Variants in PCDHB12 observed in about 807,000 individuals in gnomAD.
PCDHB12 encodes protocadherin beta-12.
For synonymous variants in PCDHB12, 560 were observed against 445.2 expected, an observed-to-expected ratio of 1.26 and a Z score of -3.24; for missense variants, 1,192 against 998.2, an observed-to-expected ratio of 1.19 and a Z score of -2.62.
rs1554286834 is a variant in PCDHB12 at position 141,210,182 on chromosome 5, C to T, written c.1275C>T (p.Asp425=). The T allele has an allele frequency of 6.2e-7, 1 of 1,614,070 alleles. No homozygotes were observed. The highest frequency in any genetic ancestry group is 2.2e-5 in the East Asian group (1 of 44,886). The change falls in exon 1 of 1, where the codon GAC becomes GAT. Residue 425 remains aspartate, a synonymous_variant. Coordinates refer to ENST00000239450, the MANE Select transcript of PCDHB12 (RefSeq NM_018932.4). The stretch of plus-strand genomic sequence containing the variant: ...ACAACATCACCATCACCGTCACCGA[C>T]TTGGGGACCCCCAGGCTAAAAACCG... ...AEYNITITVT[D]LGTPRLKTEH...
rs782343667 is a variant in PCDHB12, at chr5:141,210,146, C to T, written c.1239C>T (p.Ser413=). 1.2e-6 allele frequency: 2 copies of T among 1,614,092 alleles called. No homozygotes were observed. Among genetic ancestry groups the T allele is most frequent in the Non-Finnish European group, 1.7e-6 (2 of 1,180,052 alleles). Reference sequence around the variant, plus strand: ...CAGAGAGACCGCTGGACAGAGAGAGCAGAGCCGAGTACAACATCACCATCA... The same window carrying T: ...CAGAGAGACCGCTGGACAGAGAGAGTAGAGCCGAGTACAACATCACCATCA... ...LETERPLDRE[S]RAEYNITITV... The change falls in exon 1 of 1, where the codon AGC becomes AGT. Residue 413 remains serine, a synonymous_variant. Coordinates refer to ENST00000239450, the MANE Select transcript of PCDHB12 (RefSeq NM_018932.4).
Position 141,211,411 on chromosome 5 carries a change from G to T in PCDHB12, c.*116G>T. 9.3e-7 allele frequency: 1 copy of T among 1,074,532 alleles called. No individual in the cohort carries two copies. The highest frequency in any genetic ancestry group is 1.4e-6 in the Non-Finnish European group (1 of 725,932). 66.6% of individuals were successfully genotyped at this position (1,074,532 alleles called of 1,614,324 possible). ...TTCAAATACATACTCTTCAAGTCAA[G>T]AAATAAATTTCTTTACATAGAAAAG... On this transcript the variant is annotated 3_prime_UTR_variant, in exon 1 of 1. Transcript: ENST00000239450.
rs782452005 is a variant in PCDHB12 at position 141,210,776 on chromosome 5, G to A, written c.1869G>A (p.Glu623=). Residue 623 remains glutamate, a synonymous_variant, in exon 1 of 1, where the codon GAG becomes GAA. Transcript: ENST00000239450. ...TCGGCGTGTGGGCGCACAATGGCGA[G>A]GTGCGCACCGCCAGGCTGCTGAGCG... The part of the protein sequence containing the change: ...GLFGVWAHNG[E]VRTARLLSER... 6.9e-6 allele frequency: 11 copies of A among 1,600,828 alleles called. No individual in the cohort carries two copies. The highest frequency in any genetic ancestry group is 1.1e-5 in the South Asian group (1 of 90,862).
At position 141,210,504 on chromosome 5, in the gene PCDHB12, G is replaced by T. The variant is rs782043522; in HGVS notation, c.1597G>T (p.Ala533Ser). Residue 533 changes from alanine (A) to serine (S), a missense_variant, in exon 1 of 1, where the codon GCC (alanine) becomes TCC (serine). Physicochemically the swap from Ala to Ser is moderately conservative, Grantham distance 99. Transcript: ENST00000239450. Reference protein sequence around the residue: ...ALQGFQFRVGATDHGSPALSS... With the variant: ...ALQGFQFRVGSTDHGSPALSS... ...GCAGGGGTTCCAGTTCCGCGTGGGC[G>T]CCACAGACCACGGCTCCCCGGCTTT... 1 of 1,612,394 alleles carries T rather than the reference G, an allele frequency of 6.2e-7. No individual in the cohort carries two copies. Among genetic ancestry groups the T allele is most frequent in the Non-Finnish European group, 8.5e-7 (1 of 1,179,836 alleles).
In PCDHB12 at chr5:141,211,248, A is replaced by G. The variant is rs782382690; in HGVS notation, c.2341A>G (p.Ser781Gly). The change falls in exon 1 of 1, where the codon AGT (serine) becomes GGT (glycine). Residue 781 changes from serine to glycine, a missense_variant. Coordinates refer to ENST00000239450, the MANE Select transcript of PCDHB12 (RefSeq NM_018932.4). ...CAACTTCCTACCCCAGAGCACAGGT[A>G]GTGAAGTCGAAGAAAATCCCCCATT... ...IPNFLPQSTGSEVEENPPFQN... is the reference protein window; with the variant it reads ...IPNFLPQSTGGEVEENPPFQN... 5 of 1,605,788 alleles carry G rather than the reference A, an allele frequency of 3.1e-6. No homozygotes were observed. The highest frequency in any genetic ancestry group is 3.5e-5 in the Admixed American group (2 of 57,752).
Position 141,209,869 on chromosome 5 carries a change from C to T in PCDHB12, c.962C>T (p.Ala321Val). Reference sequence around the variant, plus strand: ...GAGTCATACTCAATAATCATTCAAGCCACAGATGGGGGAGGACTTTTTGGA... The same window carrying T: ...GAGTCATACTCAATAATCATTCAAGTCACAGATGGGGGAGGACTTTTTGGA... The part of the protein sequence containing the change: ...AIESYSIIIQ[A>V]TDGGGLFGKS... The change falls in exon 1 of 1, where the codon GCC (alanine) becomes GTC (valine). Residue 321 changes from alanine to valine, a missense_variant. Ala to Val is a moderately conservative substitution (Grantham distance 64). Coordinates refer to ENST00000239450, the MANE Select transcript of PCDHB12 (RefSeq NM_018932.4). 2.5e-6 allele frequency: 4 copies of T among 1,614,160 alleles called. No individual in the cohort carries two copies. Among genetic ancestry groups the T allele is most frequent in the Non-Finnish European group, 3.4e-6 (4 of 1,180,030 alleles).
chr5:141,210,188 G>T lies in PCDHB12; in HGVS notation c.1281G>T (p.Gly427=). Residue 427 remains glycine, a synonymous_variant, in exon 1 of 1, where the codon GGG becomes GGT. Coordinates refer to ENST00000239450, the MANE Select transcript of PCDHB12 (RefSeq NM_018932.4). ...TCACCATCACCGTCACCGACTTGGGGACCCCCAGGCTAAAAACCGAGCACA... is the reference window on the plus strand; with the variant it reads ...TCACCATCACCGTCACCGACTTGGGTACCCCCAGGCTAAAAACCGAGCACA... The part of the protein sequence containing the change: ...YNITITVTDL[G]TPRLKTEHNI... 1 of 1,614,126 alleles carries T rather than the reference G, an allele frequency of 6.2e-7. No homozygotes were observed. Among genetic ancestry groups the T allele is most frequent in the East Asian group, 2.2e-5 (1 of 44,882 alleles).
chr5:141,210,174 G>A lies in PCDHB12; in HGVS notation c.1267G>A (p.Val423Ile), dbSNP rs782816498. Residue 423 changes from valine to isoleucine, a missense_variant, in exon 1 of 1, where the codon GTC (valine) becomes ATC (isoleucine). Transcript: ENST00000239450. ...SRAEYNITIT[V>I]TDLGTPRLKT... Reference sequence around the variant, plus strand: ...AGCCGAGTACAACATCACCATCACCGTCACCGACTTGGGGACCCCCAGGCT... The same window carrying A: ...AGCCGAGTACAACATCACCATCACCATCACCGACTTGGGGACCCCCAGGCT... 1.1e-5 allele frequency: 17 copies of A among 1,614,126 alleles called. No homozygotes were observed. The highest frequency in any genetic ancestry group is 3.3e-5 in the Admixed American group (2 of 60,028).
In PCDHB12 at chr5:141,211,063, C is replaced by A; in HGVS notation, c.2156C>A (p.Ala719Glu). ...VAVRLCRRSR[A>E]APVGRCSVPE... ...GTGCGGCTGTGCAGGAGGAGCAGGG[C>A]GGCCCCGGTCGGTCGCTGCTCGGTG... The change falls in exon 1 of 1, where the codon GCG becomes GAG. Residue 719 changes from alanine to glutamate, a missense_variant. Ala to Glu is a moderately radical substitution (Grantham distance 107). Coordinates refer to ENST00000239450, the MANE Select transcript of PCDHB12 (RefSeq NM_018932.4). 6.2e-7 allele frequency: 1 copy of A among 1,613,190 alleles called. No individual in the cohort carries two copies. The highest frequency in any genetic ancestry group is 8.5e-7 in the Non-Finnish European group (1 of 1,180,024).
Position 141,211,227 on chromosome 5 carries a change from T to A in PCDHB12, c.2320T>A (p.Phe774Ile), listed in dbSNP as rs1287480324. The change falls in exon 1 of 1, where the codon TTC (phenylalanine) becomes ATC (isoleucine). Residue 774 changes from phenylalanine to isoleucine, a missense_variant. Phe to Ile is a conservative substitution (Grantham distance 21). Coordinates refer to ENST00000239450, the MANE Select transcript of PCDHB12 (RefSeq NM_018932.4). Reference sequence around the variant, plus strand: ...ATTTCTGAAACCAATTATCCCCAACTTCCTACCCCAGAGCACAGGTAGTGA... The same window carrying A: ...ATTTCTGAAACCAATTATCCCCAACATCCTACCCCAGAGCACAGGTAGTGA... Reference protein sequence around the residue: ...FKFLKPIIPNFLPQSTGSEVE... With the variant: ...FKFLKPIIPNILPQSTGSEVE... The A allele has an allele frequency of 2.5e-6, 4 of 1,613,714 alleles. No individual in the cohort carries two copies. Among genetic ancestry groups the A allele is most frequent in the East Asian group, 2.2e-5 (1 of 44,880 alleles).
rs562975858 is a variant in PCDHB12, at chr5:141,210,173, C to T, written c.1266C>T (p.Thr422=). 2.6e-5 allele frequency: 42 copies of T among 1,614,056 alleles called. No individual in the cohort carries two copies. Among genetic ancestry groups the T allele is most frequent in the Non-Finnish European group, 3.5e-5 (41 of 1,180,014 alleles). ...GAGCCGAGTACAACATCACCATCAC[C>T]GTCACCGACTTGGGGACCCCCAGGC... is the stretch of plus-strand genomic sequence containing the variant. The part of the protein sequence containing the change: ...ESRAEYNITI[T]VTDLGTPRLK... The change falls in exon 1 of 1, where the codon ACC becomes ACT. Residue 422 remains threonine (T), a synonymous_variant. Transcript: ENST00000239450.
Position 141,208,887 on chromosome 5 carries a change from T to C in PCDHB12, c.-21T>C. ...CTGAGGCAATTCTGCAAGAAGATTT[T>C]GGGGTTTTGGAAAAGAAGCTATGGA... On this transcript the variant is annotated 5_prime_UTR_variant, in exon 1 of 1. Transcript: ENST00000239450. 2 of 1,512,082 alleles carry C rather than the reference T, an allele frequency of 1.3e-6. No homozygotes were observed. Among genetic ancestry groups the C allele is most frequent in the Non-Finnish European group, 1.8e-6 (2 of 1,133,086 alleles). 93.7% of individuals were successfully genotyped at this position (1,512,082 alleles called of 1,614,324 possible).
Position 141,209,795 on chromosome 5 carries a change from A to C in PCDHB12, c.888A>C (p.Gln296His), listed in dbSNP as rs782650834. ...TTCGCAAGACATTTGAAATTAATCA[A>C]AAGTCTGGTGACATTACTTTAACAG... ...EDIRKTFEIN[Q>H]KSGDITLTAP... The change falls in exon 1 of 1, where the codon CAA becomes CAC. Residue 296 changes from glutamine to histidine, a missense_variant. By Grantham distance (24) the Gln-to-His change is conservative. Coordinates refer to ENST00000239450, the MANE Select transcript of PCDHB12 (RefSeq NM_018932.4). The C allele has an allele frequency of 1.3e-5, 21 of 1,614,100 alleles. No homozygotes were observed. The highest frequency in any genetic ancestry group is 1.7e-5 in the Non-Finnish European group (20 of 1,180,034).
At position 141,210,680 on chromosome 5, in the gene PCDHB12, G is replaced by T. The variant is rs782177865; in HGVS notation, c.1773G>T (p.Ala591=). The change falls in exon 1 of 1, where the codon GCG becomes GCT. Residue 591 remains alanine (A), a synonymous_variant. Transcript: ENST00000239450. ...GCTACCTGGTGACCAAGGTGGTGGCGGTGGACGGTGACTCGGGCCAGAACG... is the reference window on the plus strand; with the variant it reads ...GCTACCTGGTGACCAAGGTGGTGGCTGTGGACGGTGACTCGGGCCAGAACG... The part of the protein sequence containing the change: ...EPGYLVTKVV[A]VDGDSGQNAW... 2 of 1,610,524 alleles carry T rather than the reference G, an allele frequency of 1.2e-6. No homozygotes were observed. Among genetic ancestry groups the T allele is most frequent in the Non-Finnish European group, 8.5e-7 (1 of 1,179,712 alleles).
chr5:141,210,842 G>A lies in PCDHB12; in HGVS notation c.1935G>A (p.Lys645=), dbSNP rs782007895. 1.9e-6 allele frequency: 3 copies of A among 1,602,316 alleles called. No individual in the cohort carries two copies. Among genetic ancestry groups the A allele is most frequent in the Non-Finnish European group, 2.5e-6 (3 of 1,179,064 alleles). The change falls in exon 1 of 1, where the codon AAG becomes AAA. Residue 645 remains lysine (K), a synonymous_variant. Coordinates refer to ENST00000239450, the MANE Select transcript of PCDHB12 (RefSeq NM_018932.4). The part of the protein sequence containing the change: ...AAKHRLVVLV[K]DNGEPPRSAT... ...AGCACAGGCTGGTGGTGCTGGTCAA[G>A]GACAATGGCGAGCCTCCGCGCTCGG...
At position 141,210,170 on chromosome 5, in the gene PCDHB12, C is replaced by G. The variant is rs1754406207; in HGVS notation, c.1263C>G (p.Ile421Met). Residue 421 changes from isoleucine (I) to methionine (M), a missense_variant, in exon 1 of 1, where the codon ATC (isoleucine) becomes ATG (methionine). Transcript: ENST00000239450. ...RESRAEYNIT[I>M]TVTDLGTPRL... is the part of the protein sequence containing the mutation. ...GCAGAGCCGAGTACAACATCACCAT[C>G]ACCGTCACCGACTTGGGGACCCCCA... The G allele has an allele frequency of 6.2e-7, 1 of 1,614,058 alleles. No individual in the cohort carries two copies. Among genetic ancestry groups the G allele is most frequent in the Non-Finnish European group, 8.5e-7 (1 of 1,180,008 alleles).
rs535080782 is a variant in PCDHB12 at position 141,210,552 on chromosome 5, G to A, written c.1645G>A (p.Val549Met). 3 of 1,611,576 alleles carry A rather than the reference G, an allele frequency of 1.9e-6. No homozygotes were observed. Among genetic ancestry groups the A allele is most frequent in the East Asian group, 2.2e-5 (1 of 44,882 alleles). ...TTTGAGCAGCGAGGCGCTGGTGCGC[G>A]TGCTGGTGCTGGACGCCAACGACAA... ...PALSSEALVR[V>M]LVLDANDNSP... is the part of the protein sequence containing the mutation. The change falls in exon 1 of 1, where the codon GTG (valine) becomes ATG (methionine). Residue 549 changes from valine to methionine, a missense_variant. Physicochemically the swap from Val to Met is conservative, Grantham distance 21 (BLOSUM62 1). Coordinates refer to ENST00000239450, the MANE Select transcript of PCDHB12 (RefSeq NM_018932.4).
rs781942850 is a variant in PCDHB12, at chr5:141,211,109, A to G, written c.2202A>G (p.Gly734=). 80 of 1,613,900 alleles carry G rather than the reference A, an allele frequency of 5.0e-5. No individual in the cohort carries two copies. The highest frequency in any genetic ancestry group is 8.0e-5 in the African/African-American group (6 of 74,902). The change falls in exon 1 of 1, where the codon GGA becomes GGG. Residue 734 remains glycine, a synonymous_variant. Transcript: ENST00000239450. ...CGGTGCCTGAGGGCCCCTTTCCAGG[A>G]CATCTGGTGGACGTGAGTGGCACCG... ...RCSVPEGPFP[G]HLVDVSGTGT...
In PCDHB12 at chr5:141,210,895, TG is replaced by T; in HGVS notation, c.1990del (p.Asp664ThrfsTer76). ...SATATLHVLLVDGFSQPYLPL... is the reference protein window; with the variant it reads ...SATATLHVLLXDGFSQPYLPL... ...ACCGCCACGCTGCACGTGCTCCTGG[TG>T]GACGGCTTCTCCCAGCCCTACCTGC... is the stretch of plus-strand genomic sequence containing the variant. On this transcript the variant is annotated frameshift_variant, in exon 1 of 1. Coordinates refer to ENST00000239450, the MANE Select transcript of PCDHB12 (RefSeq NM_018932.4). LOFTEE classifies it low-confidence loss of function (END_TRUNC). 2.5e-6 allele frequency: 4 copies of T among 1,608,272 alleles called. No individual in the cohort carries two copies. The highest frequency in any genetic ancestry group is 3.4e-6 in the Non-Finnish European group (4 of 1,179,614).
Sources: gnomAD v4.1 joint callset for allele counts on GRCh38, gnomAD v4.1.1 for gene constraint, MANE v1.5 for transcripts, NCBI Gene and HGNC (gene_info 2026-07-23, HGNC 2026-07-21) for gene names.